Variants in PRIM2 observed in about 807,000 individuals in gnomAD.
PRIM2 encodes the protein DNA primase subunit 2.
Under a neutral mutation model 67.3 loss-of-function variants are expected in PRIM2, and 39 were observed. The observed-to-expected ratio is 0.58, with a 90% CI of 0.45 to 0.76. PRIM2 has a LOEUF of 0.76. Ranked by LOEUF, PRIM2 falls within the 30% of genes least tolerant of loss-of-function variation. The pLI is 0.00. For missense variants in PRIM2, 398 were observed against 598.7 expected (o/e 0.66, Z 3.50); for synonymous variants, 143 against 198.7 (o/e 0.72, Z 2.36).
At chr6:57,522,595 C>T (rs1351755314) in intron 8 of PRIM2, among the ~76,000 whole-genome samples, 1 of 152,136 alleles carries the variant, frequency 6.6e-6, no homozygotes, top group Non-Finnish European at 1.5e-5. Flanking sequence ...CTCAAGTAAT[C>T]TTTCTTCCTT....
intron 7 of PRIM2, among the ~76,000 whole-genome samples, chr6:57,422,066 A>G (rs561563196): frequency 6.6e-6 from 1 of 152,076 alleles, no homozygotes; most frequent in Non-Finnish European, 1.5e-5. Context: ...CATTTCATCA[A>G]ACGTACAGTT....
At chr6:57,427,773 G>T (rs1481029999) in intron 7 of PRIM2, among the ~76,000 whole-genome samples, 2 of 152,134 alleles carry the variant, frequency 1.3e-5, no homozygotes, top group Non-Finnish European at 2.9e-5. Flanking sequence ...GACCTGTCAG[G>T]AATACTTTCT....
intron 9 of PRIM2, among the ~76,000 whole-genome samples, chr6:57,535,285 A>G (rs1774981016): frequency 1.3e-5 from 2 of 152,142 alleles, no homozygotes; most frequent in African/African-American, 4.8e-5. Context: ...CTGCGTGGTC[A>G]TGGGATATTG....
At chr6:57,500,209 C>T (rs1371006630) in intron 7 of PRIM2, among the ~76,000 whole-genome samples, 7 of 152,106 alleles carry the variant, frequency 4.6e-5, no homozygotes, top group African/African-American at 1.7e-4. Flanking sequence ...TAATTTGGCT[C>T]TTCATCTTGG....
At chr6:57,368,192 A>C (rs71209173) in intron 5 of PRIM2, among the ~76,000 whole-genome samples, 3 of 152,082 alleles carry the variant, frequency 2.0e-5, no homozygotes, top group Non-Finnish European at 4.4e-5. Context: ...TATATATCAT[A>C]TATATATCAT....
intron 5 of PRIM2, among the ~76,000 whole-genome samples, chr6:57,344,416 GA>G (rs1319552241): frequency 6.6e-6 from 1 of 151,508 alleles, no homozygotes; most frequent in Non-Finnish European, 1.5e-5. Context: ...AGATTTGAGG[GA>G]TTATGCTGCC....
At chr6:57,287,776 G>GA in the PRIM2 span, among the ~76,000 whole-genome samples, 109 of 144,898 alleles carry the variant, frequency 7.5e-4, no homozygotes, top group African/African-American at 1.7e-3. Context: ...AAAGTAAAAT[G>GA]AAAAAAAAAA....
chr6:57,240,784 C>T, the PRIM2 span, among the ~76,000 whole-genome samples: 9,595 of 152,102 alleles, frequency 0.063, 363 homozygotes, highest in Non-Finnish European at 0.091. Context: ...AGATAGAAAA[C>T]TAAGCAAATA....
chr6:57,357,624 G>A (rs1489092487), intron 5 of PRIM2, among the ~76,000 whole-genome samples: 1 of 142,258 alleles, frequency 7.0e-6, no homozygotes, highest in Non-Finnish European at 1.5e-5. Flanking sequence ...AGACAGTTTC[G>A]CTCTTGTTGC....
At position 57,409,626 on chromosome 6, in the gene PRIM2, C is replaced by T. The variant is rs529064378; in HGVS notation, c.693+27458C>T. Among the ~76,000 whole-genome samples the T allele has an allele frequency of 1.1e-3, 164 of 152,276 alleles. 5 individuals are homozygous for T. In the South Asian group the frequency reaches 0.033, roughly 30 times the overall value. On this transcript the variant is annotated intron_variant, in intron 7 of 13. Coordinates refer to ENST00000615550, the MANE Select transcript of PRIM2 (RefSeq NM_000947.5). ...TGTTCCAGTTATTCTACCACCTTGC[C>T]AAAAGTTGATATTGTCAGTTTTAAA...
At chr6:57,450,392 A>T (rs1390971298) in intron 7 of PRIM2, among the ~76,000 whole-genome samples, 2 of 152,198 alleles carry the variant, frequency 1.3e-5, no homozygotes, top group African/African-American at 4.8e-5. Context: ...ACTGTACCAT[A>T]GTTTATAAAG....
At chr6:57,223,888 G>T in the PRIM2 span, among the ~76,000 whole-genome samples, 1 of 152,128 alleles carries the variant, frequency 6.6e-6, no homozygotes, top group Non-Finnish European at 1.5e-5. Flanking sequence ...ATGTAAAATG[G>T]TACGGCCACT....
intron 7 of PRIM2, among the ~76,000 whole-genome samples, chr6:57,469,507 C>T (rs1773286528): frequency 1.3e-5 from 2 of 152,102 alleles, no homozygotes; most frequent in African/African-American, 4.8e-5. Context: ...TGTGATCTTA[C>T]GATGTGAATT....
In PRIM2 at chr6:57,507,448, A is replaced by C. The variant is rs1193495052; in HGVS notation, c.755A>C (p.His252Pro). The change falls in exon 8 of 14, where the codon CAC becomes CCC. Residue 252 changes from histidine (H) to proline (P), a missense_variant. His to Pro is a moderately conservative substitution (Grantham distance 77). This residue lies in a region of PRIM2 where 229 missense variants were observed against 383.6 expected (regional missense o/e 0.60). Coordinates refer to ENST00000615550, the MANE Select transcript of PRIM2 (RefSeq NM_000947.5). The stretch of plus-strand genomic sequence containing the variant: ...GAAAGACTTCAGCCTCTGCTCAATC[A>C]CCTCAGGTAATATAAGGGCACAGCC... ...SDERLQPLLN[H>P]LSHSYTGQDY... The C allele has an allele frequency of 1.3e-6, 2 of 1,527,598 alleles. No homozygotes were observed. Among genetic ancestry groups the C allele is most frequent in the Non-Finnish European group, 1.8e-6 (2 of 1,126,904 alleles). The allele number at this position is 1,527,598 out of a possible 1,614,324, so 94.6% of individuals were successfully genotyped here.
chr6:57,404,641 G>T (rs532825381), intron 7 of PRIM2, among the ~76,000 whole-genome samples: 40 of 152,358 alleles, frequency 2.6e-4, no homozygotes, highest in Non-Finnish European at 4.7e-4. Flanking sequence ...GTTGCAGTTG[G>T]CTGCAGTAGT....
the PRIM2 span, among the ~76,000 whole-genome samples, chr6:57,224,369 A>G: frequency 6.6e-6 from 1 of 152,210 alleles, no homozygotes; most frequent in Non-Finnish European, 1.5e-5. Flanking sequence ...TTCAACTTAT[A>G]TAAGGTACAT....
At chr6:57,592,607 C>A (rs1776300784) in intron 10 of PRIM2, among the ~76,000 whole-genome samples, 1 of 152,032 alleles carries the variant, frequency 6.6e-6, no homozygotes, top group Admixed American at 6.6e-5. Context: ...CCAGCCTGGC[C>A]AACATGCAAC....
chr6:57,467,529 C>T (rs1773233897), intron 7 of PRIM2, among the ~76,000 whole-genome samples: 1 of 152,008 alleles, frequency 6.6e-6, no homozygotes, highest in Non-Finnish European at 1.5e-5. Flanking sequence ...GTTACTGTAG[C>T]CGTATAGTAT....
At chr6:57,426,121 T>A (rs1271602131) in intron 7 of PRIM2, among the ~76,000 whole-genome samples, 1 of 152,216 alleles carries the variant, frequency 6.6e-6, no homozygotes, top group Non-Finnish European at 1.5e-5. Context: ...GCATAGATTT[T>A]AAATACACAG....
Sources: gnomAD v4.1 joint callset for allele counts (sites outside exome capture counted in the v4.1 genomes callset) on GRCh38, gnomAD v4.1.1 for gene constraint, gnomAD v4.1.1 regional missense constraint, MANE v1.5 for transcripts, NCBI Gene and HGNC (gene_info 2026-07-23, HGNC 2026-07-21) for gene names.